WDR72: variants seen among roughly 807,000 people sequenced by gnomAD.
WDR72 encodes WD repeat domain 72, also known as WD repeat-containing protein 72.
In WDR72, 120 loss-of-function variants were observed where a neutral mutation model predicts 124.2. That is an observed-to-expected ratio of 0.97 (90% CI 0.83 to 1.12). The LOEUF is 1.12. WDR72 is among the 50% of genes most tolerant of loss of function. The pLI, the probability that WDR72 is intolerant of heterozygous loss-of-function variation, is 0.00. For missense variants in WDR72, 1,387 were observed against 1,278.8 expected, an observed-to-expected ratio of 1.08 and a Z score of -1.29; for synonymous variants, 452 against 441.7, an observed-to-expected ratio of 1.02 and a Z score of -0.29.
At chr15:53,744,132 T>C (rs2018583053) in intron 1 of WDR72, among the ~76,000 whole-genome samples, 1 of 152,162 alleles carries the variant, frequency 6.6e-6, no homozygotes, top group Admixed American at 6.5e-5. Flanking sequence ...CAACACTCTA[T>C]TGTGATACAA....
At chr15:53,699,703 T>C (rs371233988) in intron 13 of WDR72, 47 bp downstream of exon 13, 5 of 1,592,842 alleles carry the variant, frequency 3.1e-6, no homozygotes, top group Non-Finnish European at 3.4e-6. Context: ...CAAATGCTTG[T>C]ACATCATAAA....
chr15:53,711,701 G>C (rs559157419), intron 7 of WDR72, among the ~76,000 whole-genome samples: 1 of 152,094 alleles, frequency 6.6e-6, no homozygotes, highest in Non-Finnish European at 1.5e-5. Flanking sequence ...TATCATTCCA[G>C]AGTGTGTACA....
chr15:53,616,282 T>C, intron 14 of WDR72, 39 bp from the exon 15 acceptor site: 1 of 1,515,482 alleles, frequency 6.6e-7, no homozygotes, highest in South Asian at 1.1e-5. Context: ...AGTTCTTGCT[T>C]ATTATTTTAT....
chr15:53,574,241 C>A, intron 18 of WDR72, among the ~76,000 whole-genome samples: 1 of 152,154 alleles, frequency 6.6e-6, no homozygotes, highest in East Asian at 1.9e-4. Context: ...ATAATTTCAG[C>A]CGAAGTGAAA....
intron 13 of WDR72, among the ~76,000 whole-genome samples, chr15:53,684,930 G>A (rs1306577517): frequency 6.6e-6 from 1 of 152,046 alleles, no homozygotes; most frequent in African/African-American, 2.4e-5. Flanking sequence ...TAACTGGGAG[G>A]CACCCCCCTA....
chr15:53,676,811 C>T (rs933418588), intron 13 of WDR72, among the ~76,000 whole-genome samples: 1 of 152,020 alleles, frequency 6.6e-6, no homozygotes, highest in African/African-American at 2.4e-5. Flanking sequence ...ATTTGTTATA[C>T]GCAATAGGAA....
intron 15 of WDR72, 124 bp from the exon 16 acceptor site, chr15:53,613,881 A>C (rs2013650990): frequency 3.1e-6 from 2 of 647,776 alleles, no homozygotes; most frequent in Non-Finnish European, 5.6e-6. Context: ...AATTATTTTT[A>C]GCAATATCTT....
intron 19 of WDR72, among the ~76,000 whole-genome samples, chr15:53,518,879 T>C (rs1397992752): frequency 6.6e-6 from 1 of 151,920 alleles, no homozygotes; most frequent in Admixed American, 6.6e-5. Flanking sequence ...TTGACAATGA[T>C]GTATATAGAT....
intron 1 of WDR72, among the ~76,000 whole-genome samples, chr15:53,753,840 A>G (rs1332679145): frequency 1.3e-5 from 2 of 152,180 alleles, no homozygotes; most frequent in African/African-American, 4.8e-5. Flanking sequence ...TTTCTCAAGT[A>G]ATCCACACAT....
intron 13 of WDR72, among the ~76,000 whole-genome samples, chr15:53,675,491 C>T (rs1278973629): frequency 6.6e-6 from 1 of 152,066 alleles, no homozygotes; most frequent in Non-Finnish European, 1.5e-5. Flanking sequence ...ATTAATTGTA[C>T]AATTATCTAT....
chr15:53,605,984 T>C (rs2013265033), intron 17 of WDR72, among the ~76,000 whole-genome samples: 1 of 152,146 alleles, frequency 6.6e-6, no homozygotes, highest in Admixed American at 6.5e-5. Context: ...AAGTTTAAAC[T>C]ATCTCACAGA....
chr15:53,706,371 T>TATATATATACATATATATATATATAC (rs2017372663), intron 9 of WDR72, among the ~76,000 whole-genome samples: 1 of 52,638 alleles, frequency 1.9e-5, no homozygotes, highest in South Asian at 6.2e-4. Context: ...TATATATATA[T>TATATATATACATATATATATATATAC]ATATATATAT....
intron 14 of WDR72, among the ~76,000 whole-genome samples, chr15:53,647,402 A>G (rs1413700883): frequency 1.3e-5 from 2 of 152,116 alleles, no homozygotes; most frequent in Non-Finnish European, 2.9e-5. Context: ...GATAATCAAA[A>G]GAAAATTAGA....
intron 14 of WDR72, among the ~76,000 whole-genome samples, chr15:53,633,143 A>G (rs988837387): frequency 6.6e-6 from 1 of 152,130 alleles, no homozygotes; most frequent in Non-Finnish European, 1.5e-5. Context: ...GTAATCCCCA[A>G]TGCTGGAGGT....
At chr15:53,742,454 C>T (rs931576404) in intron 1 of WDR72, among the ~76,000 whole-genome samples, 4 of 152,216 alleles carry the variant, frequency 2.6e-5, no homozygotes, top group Admixed American at 2.6e-4. Flanking sequence ...TATCATAGCC[C>T]TCAATTTATA....
intron 14 of WDR72, among the ~76,000 whole-genome samples, chr15:53,648,226 T>C (rs955224761): frequency 6.6e-6 from 1 of 152,160 alleles, no homozygotes; most frequent in African/African-American, 2.4e-5. Flanking sequence ...GGAAAGATAC[T>C]TGTCTCATGT....
At chr15:53,652,769 G>C (rs2015286662) in intron 14 of WDR72, among the ~76,000 whole-genome samples, 1 of 152,104 alleles carries the variant, frequency 6.6e-6, no homozygotes, top group Non-Finnish European at 1.5e-5. Flanking sequence ...CACTGTGTTG[G>C]TATAATAAGC....
intron 3 of WDR72, among the ~76,000 whole-genome samples, chr15:53,718,809 C>CCTTAAGATTTTTAAAAATTTTAAAAAT (rs2017788875): frequency 3.6e-5 from 3 of 82,488 alleles, no homozygotes; most frequent in African/African-American, 1.2e-4. Flanking sequence ...ATTTTAAAAA[C>CCTTAAGATTTTTAAAAATTTTAAAAAT]CTTAAGATTT....
intron 13 of WDR72, among the ~76,000 whole-genome samples, chr15:53,680,255 C>G (rs1175889977): frequency 1.3e-5 from 2 of 152,180 alleles, no homozygotes; most frequent in African/African-American, 4.8e-5. Flanking sequence ...CTTAGTCATG[C>G]AATTCCAACC....
Sources: gnomAD v4.1 joint callset for allele counts (sites outside exome capture counted in the v4.1 genomes callset) on GRCh38, gnomAD v4.1.1 for gene constraint, MANE v1.5 for transcripts, NCBI Gene and HGNC (gene_info 2026-07-23, HGNC 2026-07-21) for gene names.